The following GLIS3 variants were observed in gnomAD, a reference collection of about 807,000 sequenced individuals.
GLIS3 encodes the protein GLIS family zinc finger 3.
A neutral mutation model predicts 78.6 loss-of-function variants in GLIS3; 53 were observed. The observed-to-expected ratio is 0.67, with a 90% confidence interval of 0.54 to 0.85. GLIS3 has a LOEUF of 0.85. Among genes scored for constraint, GLIS3 ranks in the 40% least tolerant of loss-of-function variants. The pLI is 0.00. For missense variants in GLIS3, 1,703 were observed against 1,231.1 expected, an observed-to-expected ratio of 1.38 and a Z score of -5.74; for synonymous variants, 684 against 509.9, an observed-to-expected ratio of 1.34 and a Z score of -4.60.
At chr9:4,135,563 T>C (rs1833344443) in intron 2 of GLIS3, among the ~76,000 whole-genome samples, 1 of 152,160 alleles carries the variant, frequency 6.6e-6, no homozygotes, top group South Asian at 2.1e-4. Context: ...ACTCTAAACA[T>C]TATTATATTA....
At position 3,932,546 on chromosome 9, in the gene GLIS3, A is replaced by G. The variant is rs1012095939; in HGVS notation, c.1873-76T>C. 3 of 1,065,138 alleles carry G rather than the reference A, an allele frequency of 2.8e-6. No individual in the cohort carries two copies. In the African/African-American group the frequency reaches 4.7e-5, roughly 17 times the overall value. 66.0% of individuals were successfully genotyped at this position (1,065,138 alleles called of 1,614,324 possible). A position where few individuals can be genotyped will look rare whatever the true frequency, so the allele number is the denominator to read the frequency against. ...TTGGGGAATGTTTTACTCAAAGACT[A>G]TTGACTTCAGAGCATGAACTGTTAC... On this transcript the variant is annotated intron_variant, in intron 5 of 10. Coordinates refer to ENST00000381971, the MANE Select transcript of GLIS3 (RefSeq NM_001042413.2).
At chr9:3,897,479 G>C (rs1822938525) in intron 7 of GLIS3, among the ~76,000 whole-genome samples, 1 of 151,916 alleles carries the variant, frequency 6.6e-6, no homozygotes, top group Admixed American at 6.6e-5. Context: ...GTATGTGTTG[G>C]TAACACTGCA....
Position 4,117,900 on chromosome 9 carries a change from G to A in GLIS3, c.1578C>T (p.Ile526=), listed in dbSNP as rs752953319. The A allele has an allele frequency of 3.1e-6, 5 of 1,614,138 alleles. No individual in the cohort carries two copies. The highest frequency in any genetic ancestry group is 4.2e-6 in the Non-Finnish European group (5 of 1,180,026). ...TGAAGTCCTCCCCTTTGCGCTGGTC[G>A]ATGTGGACCTTCTCGATGTGCCGCA... ...ELVRHIEKVH[I]DQRKGEDFTC... Residue 526 remains isoleucine (I), a synonymous_variant, in exon 4 of 11, where the codon ATC becomes ATT. Transcript: ENST00000381971.
intron 6 of GLIS3, among the ~76,000 whole-genome samples, chr9:3,926,565 T>G (rs957793436): frequency 2.4e-4 from 36 of 151,838 alleles, no homozygotes; most frequent in African/African-American, 7.7e-4. Context: ...CCAATCTATA[T>G]TTTTTCATTT....
At chr9:4,032,747 A>G (rs606215) in intron 4 of GLIS3, among the ~76,000 whole-genome samples, 1 of 152,006 alleles carries the variant, frequency 6.6e-6, no homozygotes, top group Non-Finnish European at 1.5e-5. Context: ...TCTGCTTACC[A>G]CATCCAACTT....
intron 2 of GLIS3, among the ~76,000 whole-genome samples, chr9:4,188,808 T>C (rs1029438699): frequency 2.0e-5 from 3 of 152,270 alleles, no homozygotes; most frequent in Non-Finnish European, 2.9e-5. Context: ...TATTCTCTGA[T>C]GGTAGTCTGT....
intron 2 of GLIS3, among the ~76,000 whole-genome samples, chr9:4,283,582 A>C (rs1827744587): frequency 6.6e-6 from 1 of 152,194 alleles, no homozygotes; most frequent in Non-Finnish European, 1.5e-5. Flanking sequence ...GCTGTAGTTT[A>C]ACTGCCCACT....
intron 2 of GLIS3, among the ~76,000 whole-genome samples, chr9:4,163,702 G>A (rs1358491164): frequency 1.3e-5 from 2 of 152,154 alleles, no homozygotes; most frequent in Non-Finnish European, 2.9e-5. Flanking sequence ...TTAAATGGAG[G>A]TAATAAAAGC....
At chr9:4,434,462 A>C in the GLIS3 span, among the ~76,000 whole-genome samples, 1 of 152,232 alleles carries the variant, frequency 6.6e-6, no homozygotes, top group Non-Finnish European at 1.5e-5. Flanking sequence ...TGAGACATTA[A>C]AAATAATAGA....
chr9:4,478,303 T>C, the GLIS3 span, among the ~76,000 whole-genome samples: 1 of 152,120 alleles, frequency 6.6e-6, no homozygotes, highest in African/African-American at 2.4e-5. Flanking sequence ...CATGTGTTTG[T>C]ACTAATACTT....
chr9:3,958,746 G>C (rs1817333562), intron 4 of GLIS3, among the ~76,000 whole-genome samples: 1 of 152,188 alleles, frequency 6.6e-6, no homozygotes, highest in Non-Finnish European at 1.5e-5. Flanking sequence ...AAAGATACAA[G>C]TAAAGACAGA....
the GLIS3 span, among the ~76,000 whole-genome samples, chr9:4,355,937 A>G: frequency 6.6e-6 from 1 of 152,254 alleles, no homozygotes; most frequent in African/African-American, 2.4e-5. Flanking sequence ...GTATGGTTAC[A>G]TAGACATACA....
chr9:4,320,320 G>A (rs1041901651), intron 2 of GLIS3, among the ~76,000 whole-genome samples: 45 of 152,058 alleles, frequency 3.0e-4, no homozygotes, highest in Admixed American at 3.3e-4. Flanking sequence ...GAATAAACAG[G>A]AAAGTAAGAC....
rs1440001088 is a variant in GLIS3, at chr9:4,291,209, A to C, written c.-98-4686T>G. ...ACACCAAGGTGTACAAATGTTACTT[A>C]AGCAATATAATCACCAATAAGACGA... On this transcript the variant is annotated intron_variant, in intron 1 of 10. Transcript: ENST00000381971. Among the ~76,000 whole-genome samples, 2 of 152,160 alleles carry C rather than the reference A, an allele frequency of 1.3e-5. 1 individual carries two copies. Among genetic ancestry groups the C allele is most frequent in the East Asian group, 3.9e-4 (2 of 5,194 alleles).
intron 1 of GLIS3, among the ~76,000 whole-genome samples, chr9:4,293,315 T>C (rs1390356413): frequency 1.3e-5 from 2 of 152,194 alleles, no homozygotes; most frequent in African/African-American, 2.4e-5. Context: ...CCATCACACA[T>C]GTAACTGAGT....
At chr9:4,417,284 TG>T in the GLIS3 span, among the ~76,000 whole-genome samples, 46 of 152,326 alleles carry the variant, frequency 3.0e-4, no homozygotes, top group Non-Finnish European at 5.4e-4. Context: ...TGAACTGTGT[TG>T]TTGGGGACTG....
intron 2 of GLIS3, among the ~76,000 whole-genome samples, chr9:4,178,432 T>C (rs1431984341): frequency 2.0e-5 from 3 of 152,042 alleles, no homozygotes; most frequent in Admixed American, 6.6e-5. Context: ...GGCAATGAGA[T>C]AGGAGAAGGA....
chr9:4,379,741 C>A, the GLIS3 span, among the ~76,000 whole-genome samples: 1 of 152,168 alleles, frequency 6.6e-6, no homozygotes, highest in Non-Finnish European at 1.5e-5. Flanking sequence ...TTCGCAGTGT[C>A]CCTAGCAATG....
At chr9:4,058,541 A>G (rs1170025012) in intron 4 of GLIS3, among the ~76,000 whole-genome samples, 1 of 151,998 alleles carries the variant, frequency 6.6e-6, no homozygotes, top group African/African-American at 2.4e-5. Flanking sequence ...GAATGTACTT[A>G]GCATAATAAT....
Sources: allele counts gnomAD v4.1 joint callset (sites outside exome capture counted in the v4.1 genomes callset), GRCh38; gene constraint gnomAD v4.1.1; transcripts MANE v1.5; gene names NCBI Gene and HGNC (gene_info 2026-07-23, HGNC 2026-07-21).